CYYR1: variants seen among roughly 807,000 people sequenced by gnomAD.
CYYR1 encodes the protein cysteine and tyrosine-rich protein 1.
In CYYR1, 14 loss-of-function variants were observed where a neutral mutation model predicts 15.2. The ratio of observed to expected loss-of-function variants is 0.92; its 90% CI spans 0.61 to 1.44. The LOEUF (loss-of-function observed/expected upper bound fraction) is 1.44, where lower values mean the gene tolerates loss of function less well. CYYR1 is among the 40% of genes most tolerant of loss of function. The pLI, the probability that CYYR1 is intolerant of heterozygous loss-of-function variation, is 0.00. For missense variants in CYYR1, 228 were observed against 209.5 expected (o/e 1.09, Z -0.54); for synonymous variants, 80 against 77.4 (o/e 1.03, Z -0.18).
In CYYR1 at chr21:26,532,059, A is replaced by T. The variant is rs532540312; in HGVS notation, c.176+34207T>A. Among the ~76,000 whole-genome samples the T allele has an allele frequency of 3.9e-4, 59 of 152,280 alleles. 1 individual carries two copies. The highest frequency in any genetic ancestry group is 3.6e-3 in the Admixed American group (55 of 15,276). On this transcript the variant is annotated intron_variant, in intron 2 of 3. Coordinates refer to ENST00000652641, the MANE Select transcript of CYYR1 (RefSeq NM_001320768.2). Reference sequence around the variant, plus strand: ...TTCTGTAATTTGAAGGATTATGTAAAGCGAGAAAAAAAGAATGTCTGATTT... The same window carrying T: ...TTCTGTAATTTGAAGGATTATGTAATGCGAGAAAAAAAGAATGTCTGATTT...
intron 3 of CYYR1, among the ~76,000 whole-genome samples, chr21:26,479,907 T>G (rs1456690011): frequency 1.3e-5 from 2 of 152,300 alleles, no homozygotes. Flanking sequence ...GACATATATA[T>G]CTATTGGATC....
At chr21:26,519,367 T>TGGTGAAGG (rs1488014976) in intron 2 of CYYR1, among the ~76,000 whole-genome samples, 1 of 151,856 alleles carries the variant, frequency 6.6e-6, no homozygotes, top group Non-Finnish European at 1.5e-5. Context: ...GACTTGAAAG[T>TGGTGAAGG]GGTGAAGGAG....
intron 2 of CYYR1, among the ~76,000 whole-genome samples, chr21:26,498,431 G>A (rs1400901981): frequency 6.6e-6 from 1 of 152,214 alleles, no homozygotes; most frequent in African/African-American, 2.4e-5. Flanking sequence ...GAAACAACCA[G>A]TAGGAAGGCA....
intron 2 of CYYR1, among the ~76,000 whole-genome samples, chr21:26,488,303 G>T (rs1045650199): frequency 6.8e-6 from 1 of 147,806 alleles, no homozygotes; most frequent in South Asian, 2.1e-4. Context: ...GTCTAACTGC[G>T]TCACCCAGGC....
At chr21:26,480,184 T>C in intron 3 of CYYR1, 88 bp downstream of exon 3, 1 of 1,328,886 alleles carries the variant, frequency 7.5e-7, no homozygotes. Context: ...GGTGGTTTCA[T>C]TGACCATCTA....
At chr21:26,545,830 G>A (rs536736599) in intron 2 of CYYR1, among the ~76,000 whole-genome samples, 16 of 151,870 alleles carry the variant, frequency 1.1e-4, no homozygotes, top group African/African-American at 3.1e-4. Flanking sequence ...TGATCCGCCC[G>A]CCTCGGCCTC....
chr21:26,548,232 A>G (rs1232842635), intron 2 of CYYR1, among the ~76,000 whole-genome samples: 1 of 152,246 alleles, frequency 6.6e-6, no homozygotes, highest in African/African-American at 2.4e-5. Context: ...GTAAGTCTAC[A>G]TAAGTGTGAA....
At chr21:26,563,763 A>G (rs1031864813) in intron 2 of CYYR1, among the ~76,000 whole-genome samples, 1 of 152,202 alleles carries the variant, frequency 6.6e-6, no homozygotes, top group Non-Finnish European at 1.5e-5. Context: ...GCTGGTGACT[A>G]GGGGAAGACC....
intron 3 of CYYR1, among the ~76,000 whole-genome samples, chr21:26,472,672 A>T (rs912243272): frequency 6.6e-6 from 1 of 152,104 alleles, no homozygotes; most frequent in Non-Finnish European, 1.5e-5. Flanking sequence ...TATAAGTAAG[A>T]TATAAAAAAG....
chr21:26,547,620 G>A (rs530633562), intron 2 of CYYR1, among the ~76,000 whole-genome samples: 8 of 152,124 alleles, frequency 5.3e-5, no homozygotes, highest in South Asian at 4.1e-4. Context: ...TCTCCCATGC[G>A]CATTAATAAT....
chr21:26,501,492 A>G (rs1373586212), intron 2 of CYYR1, among the ~76,000 whole-genome samples: 1 of 152,234 alleles, frequency 6.6e-6, no homozygotes, highest in Non-Finnish European at 1.5e-5. Context: ...TTATACAGAA[A>G]TTTCTAAAGC....
intron 1 of CYYR1, among the ~76,000 whole-genome samples, chr21:26,572,104 GAC>G (rs1368011548): frequency 2.6e-5 from 4 of 152,190 alleles, no homozygotes; most frequent in Non-Finnish European, 5.9e-5. Context: ...GGACGTTAGA[GAC>G]ACAAAAACAT....
At chr21:26,485,446 C>T (rs903792428) in intron 2 of CYYR1, among the ~76,000 whole-genome samples, 10 of 152,104 alleles carry the variant, frequency 6.6e-5, no homozygotes, top group African/African-American at 2.4e-4. Flanking sequence ...ATTTCCCTTT[C>T]GCTATTACTT....
intron 2 of CYYR1, among the ~76,000 whole-genome samples, chr21:26,494,540 T>C (rs2123454220): frequency 6.6e-6 from 1 of 152,280 alleles, no homozygotes; most frequent in South Asian, 2.1e-4. Flanking sequence ...AATTACTTGT[T>C]TCTAATTTGG....
intron 2 of CYYR1, among the ~76,000 whole-genome samples, chr21:26,564,235 A>G (rs772185464): frequency 5.9e-5 from 9 of 152,174 alleles, no homozygotes; most frequent in Non-Finnish European, 1.3e-4. Context: ...ATGTTAAACA[A>G]TAACTGGAAA....
At chr21:26,548,399 T>C (rs76696956) in intron 2 of CYYR1, among the ~76,000 whole-genome samples, 16,644 of 152,268 alleles carry the variant, frequency 0.11, 962 homozygotes, top group African/African-American at 0.14. Context: ...CAGGATGCAG[T>C]GCAGTGGCAT....
chr21:26,513,404 C>T (rs1234134500), intron 2 of CYYR1, among the ~76,000 whole-genome samples: 1 of 152,180 alleles, frequency 6.6e-6, no homozygotes, highest in African/African-American at 2.4e-5. Context: ...TGCCAACCCT[C>T]AATACACACA....
chr21:26,526,846 G>T (rs1827837), intron 2 of CYYR1, among the ~76,000 whole-genome samples: 1 of 151,954 alleles, frequency 6.6e-6, no homozygotes, highest in Admixed American at 6.6e-5. Context: ...TGTTACTTCA[G>T]GGTTTTAGGT....
Position 26,514,544 on chromosome 21 carries a change from A to G in CYYR1, c.177-34115T>C, listed in dbSNP as rs11088002. On this transcript the variant is annotated intron_variant, in intron 2 of 3. Transcript: ENST00000652641. ...TCATGCTTCTTTTATTGCCTGCAGA[A>G]CCATGAGCCAAATAAACCTATTTTC... is the stretch of plus-strand genomic sequence containing the variant. 3.2e-3 allele frequency among the ~76,000 whole-genome samples: 485 copies of G among 152,318 alleles called. 21 individuals are homozygous for G. The East Asian group carries it at 0.083, about 26-fold the overall frequency.
Sources: gnomAD v4.1 joint callset for allele counts (sites outside exome capture counted in the v4.1 genomes callset) on GRCh38, gnomAD v4.1.1 for gene constraint, MANE v1.5 for transcripts, NCBI Gene and HGNC (gene_info 2026-07-23, HGNC 2026-07-21) for gene names.